The following AGBL4 variants were observed in gnomAD, a reference collection of about 807,000 sequenced individuals.
The protein encoded by AGBL4 is AGBL carboxypeptidase 4.
AGBL4 carries 58 observed loss-of-function variants against 66.4 expected under a neutral mutation model. The ratio of observed to expected loss-of-function variants is 0.87; its 90% CI spans 0.71 to 1.09. The LOEUF is 1.09. AGBL4 is among the 50% of genes least tolerant of loss of function. The pLI, the probability that AGBL4 is intolerant of heterozygous loss-of-function variation, is 0.00. For missense variants in AGBL4, 579 were observed against 631.0 expected, an observed-to-expected ratio of 0.92 and a Z score of 0.88; for synonymous variants, 234 against 222.9, an observed-to-expected ratio of 1.05 and a Z score of -0.44.
chr1:48,770,644 T>C (rs1644770332), intron 6 of AGBL4, among the ~76,000 whole-genome samples: 1 of 152,144 alleles, frequency 6.6e-6, no homozygotes. Context: ...TCTCCTGACA[T>C]ATCCACCCAG....
chr1:48,889,013 T>C (rs1426638707), intron 5 of AGBL4, among the ~76,000 whole-genome samples: 2 of 152,086 alleles, frequency 1.3e-5, no homozygotes, highest in African/African-American at 4.8e-5. Context: ...CCTCCAACTT[T>C]CAACAAAGAA....
At chr1:49,851,574 CA>C (rs1281288362) in intron 1 of AGBL4, 56 bp from the exon 2 acceptor site, 1 of 1,515,014 alleles carries the variant, frequency 6.6e-7, no homozygotes, top group East Asian at 2.5e-5. Context: ...GAAGTCTAGT[CA>C]GATTTTTACT....
At position 48,627,853 on chromosome 1, in the gene AGBL4, A is replaced by G. The variant is rs1645530904; in HGVS notation, c.951+6640T>C. Among the ~76,000 whole-genome samples, 5 of 152,140 alleles carry G rather than the reference A, an allele frequency of 3.3e-5. No individual in the cohort carries two copies. In the South Asian group the frequency reaches 1.0e-3, roughly 31 times the overall value. ...GGAGGTAAAGGAAAGGGCTGCTGGA[A>G]ACCCATTCACCTCCCCAGACAGACC... On this transcript the variant is annotated intron_variant, in intron 9 of 13. Coordinates refer to ENST00000371839, the MANE Select transcript of AGBL4 (RefSeq NM_032785.4).
chr1:49,069,599 T>G (rs1644559162), intron 4 of AGBL4, among the ~76,000 whole-genome samples: 1 of 151,892 alleles, frequency 6.6e-6, no homozygotes, highest in African/African-American at 2.4e-5. Flanking sequence ...ATGTATCTGT[T>G]GTGGTACCAA....
intron 3 of AGBL4, among the ~76,000 whole-genome samples, chr1:49,412,557 G>A (rs1252207039): frequency 6.6e-6 from 1 of 152,052 alleles, no homozygotes; most frequent in East Asian, 1.9e-4. Flanking sequence ...TATGCTAGAA[G>A]TTTCCCCAGC....
At chr1:49,770,161 C>T (rs1055722447) in intron 2 of AGBL4, among the ~76,000 whole-genome samples, 21 of 152,122 alleles carry the variant, frequency 1.4e-4, no homozygotes, top group African/African-American at 5.1e-4. Flanking sequence ...TGGTGAAACC[C>T]CATCTGTATG....
chr1:48,726,308 A>C (rs1002261100), intron 6 of AGBL4, among the ~76,000 whole-genome samples: 1 of 152,142 alleles, frequency 6.6e-6, no homozygotes, highest in African/African-American at 2.4e-5. Flanking sequence ...TGTCTTTGTT[A>C]CTCACAGAGA....
At chr1:48,604,717 T>G (rs1275045042) in intron 9 of AGBL4, among the ~76,000 whole-genome samples, 1 of 152,210 alleles carries the variant, frequency 6.6e-6, no homozygotes, top group African/African-American at 2.4e-5. Flanking sequence ...GCTATTGCTC[T>G]GCTATAGACA....
chr1:48,684,358 A>T (rs1318482277), intron 6 of AGBL4, among the ~76,000 whole-genome samples: 1 of 152,242 alleles, frequency 6.6e-6, no homozygotes, highest in Non-Finnish European at 1.5e-5. Context: ...AAGCAGAAGC[A>T]GAGAGAATCC....
chr1:48,590,882 TG>T lies in AGBL4; in HGVS notation c.1054del (p.Gln352ArgfsTer27). ...IFEDEERFQR[Q>X]AIFPKLLCQN... ...GCAGAGGAGCTTGGGAAAAATGGCC[TG>T]CCTCTGGAACCGTTCCTCATCCTCA... On this transcript the variant is annotated frameshift_variant, in exon 10 of 14. Coordinates refer to ENST00000371839, the MANE Select transcript of AGBL4 (RefSeq NM_032785.4). LOFTEE classifies it high-confidence loss of function. The T allele has an allele frequency of 6.2e-7, 1 of 1,607,052 alleles. No individual in the cohort carries two copies. Among genetic ancestry groups the T allele is most frequent in the Non-Finnish European group, 8.5e-7 (1 of 1,176,778 alleles).
chr1:49,250,479 C>T (rs1372620507), intron 3 of AGBL4, among the ~76,000 whole-genome samples: 2 of 132,272 alleles, frequency 1.5e-5, no homozygotes, highest in Non-Finnish European at 1.5e-5. Flanking sequence ...GAATCTCATT[C>T]TGTCGCCAGG....
chr1:48,814,454 T>G (rs1646128143), intron 6 of AGBL4, among the ~76,000 whole-genome samples: 1 of 152,186 alleles, frequency 6.6e-6, no homozygotes, highest in African/African-American at 2.4e-5. Flanking sequence ...TTCTTTGTGC[T>G]GGAAACATTC....
chr1:48,858,511 G>C (rs1291399069), intron 6 of AGBL4, among the ~76,000 whole-genome samples: 1 of 152,192 alleles, frequency 6.6e-6, no homozygotes, highest in Non-Finnish European at 1.5e-5. Context: ...AATGAAGTAT[G>C]CTGATACATG....
At chr1:49,111,084 C>G (rs1170713002) in intron 4 of AGBL4, among the ~76,000 whole-genome samples, 1 of 151,164 alleles carries the variant, frequency 6.6e-6, no homozygotes, top group Non-Finnish European at 1.5e-5. Flanking sequence ...ACTTCATCTT[C>G]TATTACATGT....
chr1:48,606,894 A>T (rs904077016), intron 9 of AGBL4, among the ~76,000 whole-genome samples: 2 of 152,204 alleles, frequency 1.3e-5, no homozygotes, highest in Non-Finnish European at 2.9e-5. Flanking sequence ...TGGCACGAGG[A>T]GGGGTCATGC....
intron 1 of AGBL4, among the ~76,000 whole-genome samples, chr1:49,948,556 T>C (rs1571939172): frequency 9.6e-6 from 1 of 104,182 alleles, no homozygotes; most frequent in African/African-American, 3.6e-5. Context: ...TATATATAAA[T>C]ATATAAAAAT....
At chr1:49,970,728 C>CAA (rs1657999857) in intron 1 of AGBL4, among the ~76,000 whole-genome samples, 1 of 128,162 alleles carries the variant, frequency 7.8e-6, no homozygotes, top group Non-Finnish European at 1.7e-5. Flanking sequence ...CACACACACA[C>CAA]ACACACACAC....
chr1:48,717,637 G>A (rs1024928243), intron 6 of AGBL4, among the ~76,000 whole-genome samples: 1 of 152,178 alleles, frequency 6.6e-6, no homozygotes, highest in Non-Finnish European at 1.5e-5. Context: ...AGGATTCAAG[G>A]TGAATCTTGA....
At chr1:49,153,518 C>A (rs1569853441) in intron 4 of AGBL4, among the ~76,000 whole-genome samples, 1 of 152,232 alleles carries the variant, frequency 6.6e-6, no homozygotes, top group East Asian at 1.9e-4. Flanking sequence ...ATGCACATCA[C>A]TCCACAATAG....
Sources: gnomAD v4.1 joint callset for allele counts (sites outside exome capture counted in the v4.1 genomes callset) on GRCh38, gnomAD v4.1.1 for gene constraint, MANE v1.5 for transcripts, NCBI Gene and HGNC (gene_info 2026-07-23, HGNC 2026-07-21) for gene names.